Variants in MTUS2 observed in about 807,000 individuals in gnomAD.
MTUS2 encodes the protein microtubule-associated tumor suppressor candidate 2.
Under a neutral mutation model 114.1 loss-of-function variants are expected in MTUS2, and 40 were observed. That is an observed-to-expected ratio of 0.35 (90% confidence interval 0.27 to 0.46). The LOEUF (loss-of-function observed/expected upper bound fraction) is 0.46, where lower values mean the gene tolerates loss of function less well. Among genes scored for constraint, MTUS2 ranks in the 20% least tolerant of loss-of-function variants. The pLI is 1.00. For missense variants in MTUS2, 1,679 were observed against 1,705.4 expected (o/e 0.98, Z 0.27); for synonymous variants, 688 against 672.0 (o/e 1.02, Z -0.37).
At chr13:29,335,144 C>A (rs1202595172) in intron 7 of MTUS2, among the ~76,000 whole-genome samples, 1 of 152,180 alleles carries the variant, frequency 6.6e-6, no homozygotes, top group Non-Finnish European at 1.5e-5. Context: ...TCGCTGAATT[C>A]TTTTTCTCAG....
At chr13:28,876,908 G>T (rs1475919835) in intron 2 of MTUS2, among the ~76,000 whole-genome samples, 1 of 152,090 alleles carries the variant, frequency 6.6e-6, no homozygotes, top group African/African-American at 2.4e-5. Context: ...TTTATCTTCT[G>T]ATTTAATTTC....
intron 5 of MTUS2, among the ~76,000 whole-genome samples, chr13:29,273,563 G>A (rs1897954322): frequency 6.6e-6 from 1 of 152,080 alleles, no homozygotes; most frequent in South Asian, 2.1e-4. Flanking sequence ...CATAATTCAA[G>A]TACCGTAAAA....
At chr13:29,498,293 G>A (rs1338613782) in intron 13 of MTUS2, 125 bp from the exon 14 acceptor site, 19 of 1,322,482 alleles carry the variant, frequency 1.4e-5, no homozygotes, top group Non-Finnish European at 1.8e-5. Flanking sequence ...CTCTCTCTTT[G>A]GTGTTGCAGT....
intron 4 of MTUS2, among the ~76,000 whole-genome samples, chr13:29,040,547 A>G (rs554477735): frequency 9.8e-5 from 15 of 152,302 alleles, no homozygotes; most frequent in Admixed American, 4.6e-4. Context: ...ACTGCTTTCT[A>G]TAGTGATTTG....
intron 8 of MTUS2, among the ~76,000 whole-genome samples, chr13:29,405,502 A>C (rs1874682926): frequency 6.6e-6 from 1 of 152,196 alleles, no homozygotes; most frequent in African/African-American, 2.4e-5. Context: ...AATAAAAGTC[A>C]GCTTCTGAAG....
intron 2 of MTUS2, among the ~76,000 whole-genome samples, chr13:28,851,104 A>G (rs960558812): frequency 1.3e-5 from 2 of 152,126 alleles, no homozygotes; most frequent in African/African-American, 4.8e-5. Context: ...TGAGGCTTTG[A>G]GGTGTCTCTG....
intron 11 of MTUS2, chr13:29,490,034 G>A (rs1309527360): frequency 2.0e-5 from 3 of 152,164 alleles, no homozygotes; most frequent in Non-Finnish European, 4.4e-5. Context: ...CACATTCCAG[G>A]TCTTTGAATT....
intron 2 of MTUS2, among the ~76,000 whole-genome samples, chr13:29,020,186 A>AAAATATCAATTACTTCT (rs1308670814): frequency 1.3e-5 from 2 of 152,190 alleles, no homozygotes; most frequent in Admixed American, 1.3e-4. Flanking sequence ...TTTTCAAGAT[A>AAAATATCAATTACTTCT]AAATATCAAT....
In MTUS2 at chr13:28,830,934, A is replaced by C. The variant is rs186601998; in HGVS notation, c.-315-8844A>C. 2.2e-3 allele frequency among the ~76,000 whole-genome samples: 337 copies of C among 152,308 alleles called. 2 individuals carry two copies. The highest frequency in any genetic ancestry group is 7.9e-3 in the African/African-American group (329 of 41,578). ...TCTATATCCAGCAAAACTATTATTC[A>C]AAAAAGAACAAAAGATTAAGATGTC... On this transcript the variant is annotated intron_variant, in intron 1 of 15. Transcript: ENST00000612955.
At position 29,233,378 on chromosome 13, in the gene MTUS2, A is replaced by G. The variant is rs76007991; in HGVS notation, c.2645-48326A>G. Among the ~76,000 whole-genome samples, 577 of 152,328 alleles carry G rather than the reference A, an allele frequency of 3.8e-3. 11 individuals are homozygous for G. Among genetic ancestry groups the G allele is most frequent in the Non-Finnish European group, 5.8e-3 (397 of 68,018 alleles). On this transcript the variant is annotated intron_variant, in intron 5 of 15. Coordinates refer to ENST00000612955, the MANE Select transcript of MTUS2 (RefSeq NM_001033602.4). ...GGGGGGATGATCACACTGACCCCACAGGCATCTTGGGACGAAGTAGGGAAG... is the reference window on the plus strand; with the variant it reads ...GGGGGGATGATCACACTGACCCCACGGGCATCTTGGGACGAAGTAGGGAAG...
At chr13:29,078,962 C>A (rs1020063461) in intron 4 of MTUS2, among the ~76,000 whole-genome samples, 1 of 152,162 alleles carries the variant, frequency 6.6e-6, no homozygotes, top group Non-Finnish European at 1.5e-5. Flanking sequence ...GGTCACATTG[C>A]ACCTCTGTAT....
intron 5 of MTUS2, among the ~76,000 whole-genome samples, chr13:29,129,926 C>G (rs747457938): frequency 6.6e-6 from 1 of 152,024 alleles, no homozygotes; most frequent in Non-Finnish European, 1.5e-5. Context: ...TATTTTTACA[C>G]TTAGGTGAAA....
intron 5 of MTUS2, chr13:29,242,656 T>A (rs1170819314): frequency 6.5e-6 from 1 of 152,934 alleles, no homozygotes; most frequent in East Asian, 1.9e-4. Context: ...TTGGTTTGAT[T>A]TTTTTTCATA....
rs78125527 is a variant in MTUS2 at position 29,288,194 on chromosome 13, C to G, written c.2806+6329C>G. Among the ~76,000 whole-genome samples, 876 of 152,254 alleles carry G rather than the reference C, an allele frequency of 5.8e-3. 10 individuals carry two copies. The highest frequency in any genetic ancestry group is 0.02 in the African/African-American group (832 of 41,528). On this transcript the variant is annotated intron_variant, in intron 6 of 15. Transcript: ENST00000612955. ...AAGGAAAGTTTTAAGTTGGAGATTT[C>G]CATGTGGAATTCATGGGCTTATCCT...
At chr13:28,898,937 C>G (rs187246214) in intron 2 of MTUS2, among the ~76,000 whole-genome samples, 3 of 152,148 alleles carry the variant, frequency 2.0e-5, no homozygotes, top group East Asian at 3.9e-4. Context: ...AACACAAAGA[C>G]TCGATGAAGA....
At chr13:29,339,004 G>A (rs1391614482) in intron 7 of MTUS2, among the ~76,000 whole-genome samples, 1 of 152,140 alleles carries the variant, frequency 6.6e-6, no homozygotes, top group East Asian at 1.9e-4. Flanking sequence ...TCCTGTGGGG[G>A]TAAAACAAGG....
chr13:29,357,872 C>T (rs1869879810), intron 7 of MTUS2, among the ~76,000 whole-genome samples: 1 of 152,066 alleles, frequency 6.6e-6, no homozygotes, highest in Non-Finnish European at 1.5e-5. Context: ...GCATGGTTAC[C>T]CTTAACCACT....
At position 29,324,805 on chromosome 13, in the gene MTUS2, G is replaced by A. The variant is rs1304772774; in HGVS notation, c.2905+94G>A. ...CATTAATGGAGCAATGCCAACCCATGTGATTTACTCAATTGTTCCAGAGCT... is the reference window on the plus strand; with the variant it reads ...CATTAATGGAGCAATGCCAACCCATATGATTTACTCAATTGTTCCAGAGCT... On this transcript the variant is annotated intron_variant, in intron 7 of 15. Transcript: ENST00000612955. The A allele has an allele frequency of 8.7e-6, 8 of 923,460 alleles. No individual in the cohort carries two copies. In the Admixed American group the frequency reaches 1.5e-4, roughly 17 times the overall value. The allele number at this position is 923,460 out of a possible 1,614,324, so 57.2% of individuals were successfully genotyped here. A position where few individuals can be genotyped will look rare whatever the true frequency, so the allele number is the denominator to read the frequency against.
chr13:28,953,777 T>C (rs934235207), intron 2 of MTUS2, among the ~76,000 whole-genome samples: 1 of 152,206 alleles, frequency 6.6e-6, no homozygotes, highest in African/African-American at 2.4e-5. Context: ...TAGCCTTTCC[T>C]TTTATGTATT....
Sources: gnomAD v4.1 joint callset for allele counts (sites outside exome capture counted in the v4.1 genomes callset) on GRCh38, gnomAD v4.1.1 for gene constraint, MANE v1.5 for transcripts, NCBI Gene and HGNC (gene_info 2026-07-23, HGNC 2026-07-21) for gene names.